The following MRTFA variants were observed in gnomAD, a reference collection of about 807,000 sequenced individuals.
The protein encoded by MRTFA is myocardin related transcription factor A.
MRTFA carries 20 observed loss-of-function variants against 83.5 expected under a neutral mutation model. The observed-to-expected ratio is 0.24, with a 90% CI of 0.17 to 0.35. The LOEUF (loss-of-function observed/expected upper bound fraction) is 0.35. Ranked by LOEUF, MRTFA falls within the 10% of genes least tolerant of loss-of-function variation. The pLI, the probability that MRTFA is intolerant of heterozygous loss-of-function variation, is 1.00. For synonymous variants in MRTFA, 659 were observed against 541.2 expected (o/e 1.22, Z -3.02); for missense variants, 1,200 against 1,224.7 (o/e 0.98, Z 0.30).
At position 40,488,873 on chromosome 22, in the gene MRTFA, C is replaced by A. The variant is rs565076465; in HGVS notation, c.242-25587G>T. ...TAATTCAGCTCCTCACTGCTTTAGC[C>A]ACATTTCAAATCTCAATGGGTACAT... is the stretch of plus-strand genomic sequence containing the variant. On this transcript the variant is annotated intron_variant, in intron 3 of 14. Coordinates refer to ENST00000355630, the MANE Select transcript of MRTFA (RefSeq NM_020831.6). Among the ~76,000 whole-genome samples the A allele has an allele frequency of 9.2e-5, 14 of 152,248 alleles. No individual in the cohort carries two copies. The East Asian group carries it at 2.7e-3, about 29-fold the overall frequency.
At chr22:40,562,357 A>G (rs2055632886) in intron 2 of MRTFA, among the ~76,000 whole-genome samples, 1 of 151,742 alleles carries the variant, frequency 6.6e-6, no homozygotes, top group Non-Finnish European at 1.5e-5. Context: ...AAGCCTAGTC[A>G]CCTGCTGAAT....
chr22:40,493,611 G>A (rs1053606112), intron 3 of MRTFA, among the ~76,000 whole-genome samples: 2 of 152,200 alleles, frequency 1.3e-5, no homozygotes, highest in Non-Finnish European at 1.5e-5. Flanking sequence ...TTTCCAGCAA[G>A]AGCATGTGGA....
chr22:40,475,917 G>T (rs958681453), intron 3 of MRTFA, among the ~76,000 whole-genome samples: 2 of 152,156 alleles, frequency 1.3e-5, no homozygotes, highest in African/African-American at 4.8e-5. Context: ...GGCCGAGGCG[G>T]GTGGATCACG....
intron 3 of MRTFA, among the ~76,000 whole-genome samples, chr22:40,550,011 T>G (rs1223189296): frequency 3.6e-4 from 53 of 146,060 alleles, no homozygotes; most frequent in Non-Finnish European, 3.0e-5. Flanking sequence ...GTCGCATCAC[T>G]GCACTCCAGC....
chr22:40,427,619 G>T (rs1215047737), intron 7 of MRTFA, among the ~76,000 whole-genome samples: 2 of 152,158 alleles, frequency 1.3e-5, no homozygotes, highest in East Asian at 1.9e-4. Flanking sequence ...CTAAGAGTAG[G>T]ATAATAAATA....
intron 3 of MRTFA, among the ~76,000 whole-genome samples, chr22:40,508,529 A>G (rs1418779819): frequency 6.6e-6 from 1 of 150,868 alleles, no homozygotes; most frequent in East Asian, 1.9e-4. Flanking sequence ...AAAAAAAAAA[A>G]AAAAAAAAAA....
At chr22:40,596,163 G>A (rs752272153) in intron 1 of MRTFA, among the ~76,000 whole-genome samples, 5 of 151,716 alleles carry the variant, frequency 3.3e-5, no homozygotes, top group Middle Eastern at 3.4e-3. Context: ...TTTCCCTGGC[G>A]GGTAACATTA....
rs1311764222 is a variant in MRTFA, at chr22:40,411,368, C to T, written c.*22G>A. 3 of 1,533,728 alleles carry T rather than the reference C, an allele frequency of 2.0e-6. No homozygotes were observed. The highest frequency in any genetic ancestry group is 1.9e-5 in the Admixed American group (1 of 51,980). On this transcript the variant is annotated 3_prime_UTR_variant, in exon 15 of 15. Transcript: ENST00000355630. The stretch of plus-strand genomic sequence containing the variant: ...GTACCCTGGCTCCCAGCCCCTTCCC[C>T]ACCCCGTCTTGAGCCAGAGAGCTAC...
chr22:40,519,388 T>C (rs2054821045), intron 3 of MRTFA: 1 of 1,306,570 alleles, frequency 7.7e-7, no homozygotes, highest in Non-Finnish European at 1.0e-6. Context: ...TGTGTAATAT[T>C]TCATTTAGTC....
At chr22:40,597,947 T>C (rs1163896932) in intron 1 of MRTFA, among the ~76,000 whole-genome samples, 1 of 152,316 alleles carries the variant, frequency 6.6e-6, no homozygotes, top group Non-Finnish European at 1.5e-5. Context: ...ATGCCAAGTT[T>C]AAAATACTCT....
At chr22:40,490,154 C>A (rs2054248018) in intron 3 of MRTFA, among the ~76,000 whole-genome samples, 1 of 151,884 alleles carries the variant, frequency 6.6e-6, no homozygotes, top group Admixed American at 6.6e-5. Flanking sequence ...TTTTGAATTA[C>A]AAAGTCAAAG....
At chr22:40,606,142 T>A (rs1176239440) in intron 1 of MRTFA, among the ~76,000 whole-genome samples, 6 of 152,056 alleles carry the variant, frequency 3.9e-5, no homozygotes, top group Admixed American at 1.3e-4. Flanking sequence ...CTCAGAAAGC[T>A]GCCTAAAGCA....
intron 3 of MRTFA, among the ~76,000 whole-genome samples, chr22:40,539,571 C>T (rs1379826927): frequency 1.4e-5 from 2 of 144,510 alleles, no homozygotes; most frequent in African/African-American, 4.9e-5. Context: ...GGCACGATCT[C>T]GGCTCACTGC....
intron 1 of MRTFA, among the ~76,000 whole-genome samples, chr22:40,599,316 T>C (rs867768556): frequency 5.3e-5 from 8 of 151,994 alleles, no homozygotes; most frequent in African/African-American, 1.7e-4. Flanking sequence ...CAAAAAAAAC[T>C]TGGGCATTAG....
chr22:40,418,285 C>T lies in MRTFA; in HGVS notation c.2364+89G>A, dbSNP rs144427614. ...TGAAGCAAACACAAAATGTCCAGCA[C>T]GAGGGGTCCCCTGGCCCAAGAGGGC... On this transcript the variant is annotated intron_variant, in intron 12 of 14. Coordinates refer to ENST00000355630, the MANE Select transcript of MRTFA (RefSeq NM_020831.6). 769 of 1,529,210 alleles carry T rather than the reference C, an allele frequency of 5.0e-4. 3 individuals are homozygous for T. Among genetic ancestry groups the T allele is most frequent in the African/African-American group, 4.0e-3 (284 of 71,258 alleles). The allele number at this position is 1,529,210 out of a possible 1,614,324, so 94.7% of individuals were successfully genotyped here.
Position 40,551,762 on chromosome 22 carries a change from C to T in MRTFA, c.241+344G>A, listed in dbSNP as rs190814755. On this transcript the variant is annotated intron_variant, in intron 3 of 14. Transcript: ENST00000355630. ...AAAAGATTACTCTGACAAGGCTATA[C>T]GATAGAGTATGTTTCCTAATGACAG... Among the ~76,000 whole-genome samples the T allele has an allele frequency of 5.9e-5, 9 of 152,258 alleles. No homozygotes were observed. The East Asian group carries it at 1.4e-3, about 23-fold the overall frequency.
At chr22:40,490,261 G>A (rs1287595608) in intron 3 of MRTFA, among the ~76,000 whole-genome samples, 1 of 152,146 alleles carries the variant, frequency 6.6e-6, no homozygotes, top group Non-Finnish European at 1.5e-5. Flanking sequence ...GTCCAGAACA[G>A]TTCTAGATAT....
intron 4 of MRTFA, among the ~76,000 whole-genome samples, chr22:40,444,054 T>C (rs1299347172): frequency 6.6e-6 from 1 of 152,176 alleles, no homozygotes; most frequent in Admixed American, 6.5e-5. Flanking sequence ...ATGAGGAACC[T>C]GAACTTCTAT....
chr22:40,562,412 A>G (rs1225382808), intron 2 of MRTFA, among the ~76,000 whole-genome samples: 1 of 151,348 alleles, frequency 6.6e-6, no homozygotes, highest in African/African-American at 2.4e-5. Context: ...CCAGGTTAAT[A>G]CCATATGGAG....
Sources: allele counts gnomAD v4.1 joint callset (sites outside exome capture counted in the v4.1 genomes callset), GRCh38; gene constraint gnomAD v4.1.1; transcripts MANE v1.5; gene names NCBI Gene and HGNC (gene_info 2026-07-23, HGNC 2026-07-21).